Variants in ZNG1B observed in about 807,000 individuals in gnomAD.
ZNG1B encodes the protein zinc-regulated GTPase metalloprotein activator 1B.
chr2:113,471,010 C>T, the ZNG1B span: 6 of 1,577,444 alleles, frequency 3.8e-6, no homozygotes, highest in African/African-American at 1.4e-5. Flanking sequence ...TCCAACTGCT[C>T]ACGTTAGTTT....
chr2:113,455,709 T>C, the ZNG1B span: 2 of 709,024 alleles, frequency 2.8e-6, no homozygotes, highest in Non-Finnish European at 2.0e-6. Flanking sequence ...CAACCTCATA[T>C]CTGAACGTGT....
the ZNG1B span, among the ~76,000 whole-genome samples, chr2:113,455,798 G>A: frequency 7.8e-6 from 1 of 127,518 alleles, no homozygotes; most frequent in Non-Finnish European, 1.7e-5. Flanking sequence ...TTGGCTCACT[G>A]CAACCTCCAC....
At chr2:113,473,740 A>G in the ZNG1B span, among the ~76,000 whole-genome samples, 16 of 147,906 alleles carry the variant, frequency 1.1e-4, no homozygotes, top group Admixed American at 1.1e-3. Context: ...ATCTATTGAG[A>G]TAATCATGTG....
At chr2:113,472,335 GT>G in the ZNG1B span, among the ~76,000 whole-genome samples, 1 of 151,678 alleles carries the variant, frequency 6.6e-6, no homozygotes, top group Admixed American at 6.6e-5. Flanking sequence ...GGGGTTGTTT[GT>G]TTTTTTTCTT....
the ZNG1B span, among the ~76,000 whole-genome samples, chr2:113,467,083 CAAAA>C: frequency 1.4e-5 from 2 of 146,632 alleles, no homozygotes; most frequent in African/African-American, 5.1e-5. Flanking sequence ...AAAAAACAAA[CAAAA>C]AAACCGGAGA....
the ZNG1B span, among the ~76,000 whole-genome samples, chr2:113,460,511 C>G: frequency 6.6e-6 from 1 of 152,112 alleles, no homozygotes. Flanking sequence ...AAGAAAAATG[C>G]TTTTAGCTAG....
the ZNG1B span, among the ~76,000 whole-genome samples, chr2:113,454,180 A>T: frequency 3.3e-5 from 5 of 152,178 alleles, no homozygotes; most frequent in African/African-American, 1.2e-4. Flanking sequence ...TTCTTTTGTT[A>T]TCAGCATATA....
At chr2:113,473,801 A>G in the ZNG1B span, among the ~76,000 whole-genome samples, 33 of 146,828 alleles carry the variant, frequency 2.2e-4, no homozygotes, top group Middle Eastern at 0.01. Flanking sequence ...ATTGATTTGC[A>G]TATATTGAAC....
the ZNG1B span, among the ~76,000 whole-genome samples, chr2:113,468,424 G>A: frequency 2.7e-5 from 4 of 149,942 alleles, no homozygotes. Context: ...CTTGGTCTTA[G>A]GCTACTTAAA....
chr2:113,493,061 T>C, the ZNG1B span, among the ~76,000 whole-genome samples: 18 of 129,196 alleles, frequency 1.4e-4, 4 homozygotes, highest in South Asian at 4.7e-3. Context: ...TTTATCAAGA[T>C]AAAGAAGAAA....
chr2:113,475,212 C>T, the ZNG1B span, among the ~76,000 whole-genome samples: 67 of 139,800 alleles, frequency 4.8e-4, no homozygotes, highest in East Asian at 3.3e-3. Context: ...GTTAGCTCTT[C>T]TTGTTGAATT....
At chr2:113,486,917 A>G in the ZNG1B span, among the ~76,000 whole-genome samples, 2 of 151,160 alleles carry the variant, frequency 1.3e-5, no homozygotes, top group Non-Finnish European at 1.5e-5. Flanking sequence ...TCATTTGACA[A>G]CCTTTTGCTG....
chr2:113,473,917 A>G, the ZNG1B span, among the ~76,000 whole-genome samples: 4 of 141,072 alleles, frequency 2.8e-5, 1 homozygote, highest in East Asian at 7.3e-4. Context: ...TTTTGCATCA[A>G]TGTTCATCAA....
chr2:113,442,079 T>C, the ZNG1B span, among the ~76,000 whole-genome samples: 1 of 152,222 alleles, frequency 6.6e-6, no homozygotes, highest in Admixed American at 6.5e-5. Context: ...CACTTTTGTA[T>C]GGACTCTATT....
chr2:113,471,701 C>G, the ZNG1B span, among the ~76,000 whole-genome samples: 1 of 145,266 alleles, frequency 6.9e-6, no homozygotes, highest in Admixed American at 7.2e-5. Flanking sequence ...TCTCATTGTT[C>G]AATTCCCACC....
chr2:113,446,770 A>ACG, the ZNG1B span, among the ~76,000 whole-genome samples: 1 of 127,828 alleles, frequency 7.8e-6, no homozygotes, highest in African/African-American at 3.0e-5. Flanking sequence ...GCACATGCAC[A>ACG]CGCACACACA....
chr2:113,467,042 T>C, the ZNG1B span, among the ~76,000 whole-genome samples: 7 of 132,588 alleles, frequency 5.3e-5, no homozygotes, highest in Admixed American at 3.1e-4. Flanking sequence ...CCAGCCTGGG[T>C]GACAGAGCGA....
At chr2:113,456,061 TG>T in the ZNG1B span, among the ~76,000 whole-genome samples, 1 of 151,946 alleles carries the variant, frequency 6.6e-6, no homozygotes, top group Non-Finnish European at 1.5e-5. Flanking sequence ...CCCAAATCTT[TG>T]CTGAAATTGT....
the ZNG1B span, among the ~76,000 whole-genome samples, chr2:113,459,883 G>A: frequency 1.4e-5 from 2 of 138,232 alleles, no homozygotes; most frequent in African/African-American, 2.6e-5. Context: ...CGTTAGGGAT[G>A]TAAACAGGAT....
Sources: gnomAD v4.1 joint callset for allele counts (sites outside exome capture counted in the v4.1 genomes callset) on GRCh38, gnomAD v4.1.1 for gene constraint, MANE v1.5 for transcripts, NCBI Gene and HGNC (gene_info 2026-07-23, HGNC 2026-07-21) for gene names.